The following POLR1A variants were observed in gnomAD, a reference collection of about 807,000 sequenced individuals.
POLR1A encodes DNA-directed RNA polymerase I subunit RPA1.
In POLR1A, 84 loss-of-function variants were observed where a neutral mutation model predicts 205.3. The observed-to-expected ratio is 0.41, with a 90% CI of 0.34 to 0.49. The LOEUF (loss-of-function observed/expected upper bound fraction) is 0.49, where lower values mean the gene tolerates loss of function less well. POLR1A is among the 20% of genes least tolerant of loss of function. The probability of loss-of-function intolerance (pLI) is 0.22; values close to 1 mark genes in which losing one functional copy is unlikely to be tolerated. For missense variants in POLR1A, 1,645 were observed against 2,204.5 expected (o/e 0.75, Z 5.08); for synonymous variants, 799 against 863.7 (o/e 0.93, Z 1.31).
intron 25 of POLR1A, chr2:86,040,048 C>A (rs1456156325): frequency 4.4e-6 from 1 of 227,052 alleles, no homozygotes; most frequent in East Asian, 9.6e-5. Context: ...ATGTGAATGG[C>A]TCCCCTGGAG....
chr2:86,105,813 A>G lies in POLR1A; in HGVS notation c.-37T>C. ...GTTTTGAATTCCGACACCCCAAGAG[A>G]CGTTCCACTCACCACCTGACTATTC... On this transcript the variant is annotated 5_prime_UTR_variant, in exon 1 of 34. Transcript: ENST00000263857. 1.3e-6 allele frequency: 2 copies of G among 1,527,734 alleles called. No individual in the cohort carries two copies. The highest frequency in any genetic ancestry group is 1.8e-6 in the Non-Finnish European group (2 of 1,101,644). The allele number at this position is 1,527,734 out of a possible 1,614,324, so 94.6% of individuals were successfully genotyped here. A position where few individuals can be genotyped will look rare whatever the true frequency, so the allele number is the denominator to read the frequency against.
At chr2:86,097,957 A>C (rs1411746960) in intron 3 of POLR1A, among the ~76,000 whole-genome samples, 1 of 152,232 alleles carries the variant, frequency 6.6e-6, no homozygotes, top group East Asian at 1.9e-4. Context: ...TGATCTGATC[A>C]CTATACACTG....
intron 3 of POLR1A, among the ~76,000 whole-genome samples, chr2:86,091,360 A>G (rs1476895030): frequency 6.6e-6 from 1 of 152,120 alleles, no homozygotes; most frequent in East Asian, 1.9e-4. Context: ...GGCCCAAGCA[A>G]TCCTCCCACC....
At position 86,081,061 on chromosome 2, in the gene POLR1A, A is replaced by G; in HGVS notation, c.924-83T>C. 5.5e-6 allele frequency: 7 copies of G among 1,283,728 alleles called. No homozygotes were observed. The South Asian group carries it at 8.1e-5, about 15-fold the overall frequency. The allele number at this position is 1,283,728 out of a possible 1,614,324, so 79.5% of individuals were successfully genotyped here. On this transcript the variant is annotated intron_variant, in intron 8 of 33. Coordinates refer to ENST00000263857, the MANE Select transcript of POLR1A (RefSeq NM_015425.6). ...TCAGCCTCTCACCCATGCCTACTGT[A>G]GGGAGCACACCCCACCATGCTCAAA...
chr2:86,064,884 TCTCTTGC>T (rs1293772339), intron 14 of POLR1A, among the ~76,000 whole-genome samples: 3 of 151,892 alleles, frequency 2.0e-5, no homozygotes, highest in Non-Finnish European at 4.4e-5. Context: ...CTGAGGCGAT[TCTCTTGC>T]CTCAGCCTCC....
chr2:86,090,532 G>C (rs1238867252), intron 3 of POLR1A, among the ~76,000 whole-genome samples: 1 of 152,142 alleles, frequency 6.6e-6, no homozygotes, highest in African/African-American at 2.4e-5. Context: ...GAGCCGACAG[G>C]ACAGTGAGGA....
At chr2:86,039,022 GC>G in intron 26 of POLR1A, 165 bp from the exon 27 acceptor site, 1 of 686,642 alleles carries the variant, frequency 1.5e-6, no homozygotes, top group Non-Finnish European at 2.4e-6. Flanking sequence ...CTGCTGGGGG[GC>G]CCACAGCCTG....
At chr2:86,058,250 G>A (rs905425178) in intron 14 of POLR1A, among the ~76,000 whole-genome samples, 1 of 152,106 alleles carries the variant, frequency 6.6e-6, no homozygotes, top group African/African-American at 2.4e-5. Context: ...ACAGGCATGT[G>A]CCACCATGCC....
chr2:86,077,963 CTTCT>C lies in POLR1A; in HGVS notation c.1272_1275del (p.Glu425AlafsTer7). 1 of 1,614,158 alleles carries C rather than the reference CTTCT, an allele frequency of 6.2e-7. No individual in the cohort carries two copies. Among genetic ancestry groups the C allele is most frequent in the Non-Finnish European group, 8.5e-7 (1 of 1,180,028 alleles). On this transcript the variant is annotated frameshift_variant, in exon 11 of 34. Transcript: ENST00000263857. LOFTEE classifies it high-confidence loss of function. ...CCCATCATGTGTTTTCGGAACAGGCCTTCTTTCTTCTCCAGGATCTTTATGGAGA... is the reference window on the plus strand; with the variant it reads ...CCCATCATGTGTTTTCGGAACAGGCCTTCTTCTCCAGGATCTTTATGGAGA...
chr2:86,027,830 G>T, intron 33 of POLR1A, 55 bp downstream of exon 33: 1 of 1,580,914 alleles, frequency 6.3e-7, no homozygotes, highest in Non-Finnish European at 8.7e-7. Flanking sequence ...GGGTGAGCCC[G>T]TGTGCCCAGA....
At chr2:86,035,175 A>G (rs140425124) in intron 27 of POLR1A, among the ~76,000 whole-genome samples, 191 of 152,296 alleles carry the variant, frequency 1.3e-3, no homozygotes, top group African/African-American at 4.3e-3. Context: ...CCAGACCCCA[A>G]TATTATTTTT....
rs920467468 is a variant in POLR1A at position 86,049,610 on chromosome 2, G to A, written c.2393-368C>T. ...ATGAATAGGCTGAAGGTGAAGAAGA[G>A]GTTTTGGATGAAAAGATAAGCTCAG... On this transcript the variant is annotated intron_variant, in intron 16 of 33. Coordinates refer to ENST00000263857, the MANE Select transcript of POLR1A (RefSeq NM_015425.6). Among the ~76,000 whole-genome samples, 7 of 152,176 alleles carry A rather than the reference G, an allele frequency of 4.6e-5. No individual in the cohort carries two copies. In the South Asian group the frequency reaches 1.4e-3, roughly 32 times the overall value.
At chr2:86,066,841 C>A (rs1319998032) in intron 13 of POLR1A, among the ~76,000 whole-genome samples, 2 of 152,164 alleles carry the variant, frequency 1.3e-5, no homozygotes, top group Admixed American at 6.5e-5. Flanking sequence ...GAGCACACAG[C>A]CCCTCTTATG....
At chr2:86,033,350 C>T (rs951507282) in intron 28 of POLR1A, among the ~76,000 whole-genome samples, 11 of 152,242 alleles carry the variant, frequency 7.2e-5, no homozygotes, top group African/African-American at 1.2e-4. Flanking sequence ...GCTCAGCGCA[C>T]GCCATGACCT....
chr2:86,054,398 G>T, intron 14 of POLR1A, 109 bp from the exon 15 acceptor site: 1 of 1,087,776 alleles, frequency 9.2e-7, no homozygotes, highest in Non-Finnish European at 1.3e-6. Context: ...AGGACCTCCT[G>T]CCCTTGCAAT....
Position 86,049,055 on chromosome 2 carries a change from C to G in POLR1A, c.2476-13G>C. ...CAGCCCTGACAGCCTAGAATGAGAA[C>G]AGAAACACAGCGGAGGCTGAGGCCA... On this transcript the variant is annotated splice_polypyrimidine_tract_variant and intron_variant, in intron 17 of 33. Coordinates refer to ENST00000263857, the MANE Select transcript of POLR1A (RefSeq NM_015425.6). 6.2e-7 allele frequency: 1 copy of G among 1,614,178 alleles called. No homozygotes were observed. Among genetic ancestry groups the G allele is most frequent in the African/African-American group, 1.3e-5 (1 of 75,058 alleles).
At chr2:86,101,597 T>C (rs570093268) in intron 1 of POLR1A, among the ~76,000 whole-genome samples, 1 of 152,324 alleles carries the variant, frequency 6.6e-6, no homozygotes, top group East Asian at 1.9e-4. Context: ...TGGGTAACAT[T>C]GAACAAATTA....
intron 14 of POLR1A, among the ~76,000 whole-genome samples, chr2:86,055,441 A>G (rs963496962): frequency 2.0e-5 from 3 of 152,254 alleles, no homozygotes; most frequent in African/African-American, 7.2e-5. Context: ...GAAGATGACC[A>G]GAAAGGTTAT....
rs374854955 is a variant in POLR1A, at chr2:86,092,320, T to C, written c.433-2391A>G. Among the ~76,000 whole-genome samples, 152 of 152,274 alleles carry C rather than the reference T, an allele frequency of 1.0e-3. 1 individual carries two copies. In the South Asian group the frequency reaches 0.031, roughly 31 times the overall value. ...CCCATGGAACTGTTAGAAACGATAT[T>C]GATTCCTTTCTGGGAGATGGGGCCT... On this transcript the variant is annotated intron_variant, in intron 3 of 33. Coordinates refer to ENST00000263857, the MANE Select transcript of POLR1A (RefSeq NM_015425.6).
Sources: allele counts gnomAD v4.1 joint callset (sites outside exome capture counted in the v4.1 genomes callset), GRCh38; gene constraint gnomAD v4.1.1; transcripts MANE v1.5; gene names NCBI Gene and HGNC (gene_info 2026-07-23, HGNC 2026-07-21).